ATG7: variants seen among roughly 807,000 people sequenced by gnomAD.
ATG7 encodes the protein ubiquitin-like modifier-activating enzyme ATG7.
ATG7 carries 70 observed loss-of-function variants against 82.4 expected under a neutral mutation model. That is an observed-to-expected ratio of 0.85 (90% CI 0.70 to 1.04). The LOEUF (loss-of-function observed/expected upper bound fraction) is 1.04. Among genes scored for constraint, ATG7 ranks in the 50% least tolerant of loss-of-function variants. The pLI, the probability that ATG7 is intolerant of heterozygous loss-of-function variation, is 0.00. For missense variants in ATG7, 792 were observed against 864.3 expected, an observed-to-expected ratio of 0.92 and a Z score of 1.05; for synonymous variants, 287 against 313.0, an observed-to-expected ratio of 0.92 and a Z score of 0.88.
intron 18 of ATG7, among the ~76,000 whole-genome samples, chr3:11,379,038 G>A (rs1187433287): frequency 1.3e-5 from 2 of 151,948 alleles, no homozygotes; most frequent in Non-Finnish European, 2.9e-5. Flanking sequence ...TCAGGCCGGG[G>A]GCAGGTTCAC....
At chr3:11,279,904 C>T (rs1942705288) in intron 1 of ATG7, among the ~76,000 whole-genome samples, 1 of 150,616 alleles carries the variant, frequency 6.6e-6, no homozygotes, top group African/African-American at 2.4e-5. Context: ...GTTTTGGCTT[C>T]AAAATTGTTA....
chr3:11,444,861 T>A (rs923864890), intron 20 of ATG7, among the ~76,000 whole-genome samples: 1 of 101,958 alleles, frequency 9.8e-6, no homozygotes, highest in Admixed American at 8.8e-5. Context: ...TTAGACAAAT[T>A]TACAAGGAAA....
At position 11,531,883 on chromosome 3, in the gene ATG7, A is replaced by G. The variant is rs73021344; in HGVS notation, c.2080-22928A>G. 5.8e-3 allele frequency among the ~76,000 whole-genome samples: 882 copies of G among 152,040 alleles called. 7 individuals are homozygous for G. The highest frequency in any genetic ancestry group is 8.7e-3 in the Non-Finnish European group (594 of 67,964). ...CTGTCTCAGGAAAAAAAAAAAAAAA[A>G]AAAAAGTCTAATAACAGAGCAGCTA... is the stretch of plus-strand genomic sequence containing the variant. On this transcript the variant is annotated intron_variant, in intron 20 of 20. Transcript: ENST00000693202.
intron 18 of ATG7, among the ~76,000 whole-genome samples, chr3:11,376,835 T>C (rs1575832698): frequency 6.6e-6 from 1 of 152,086 alleles, no homozygotes; most frequent in East Asian, 1.9e-4. Context: ...ACCTCCCGGG[T>C]TCACGCCATT....
intron 1 of ATG7, among the ~76,000 whole-genome samples, chr3:11,280,324 A>G (rs80009021): frequency 5.4e-4 from 83 of 152,304 alleles, no homozygotes; most frequent in African/African-American, 1.9e-3. Context: ...GGCCAGATGT[A>G]TGCATTTTCT....
chr3:11,561,919 A>G (rs2073051947), downstream of ATG7, among the ~76,000 whole-genome samples: 1 of 135,262 alleles, frequency 7.4e-6, no homozygotes, highest in Admixed American at 7.3e-5. Flanking sequence ...TTTTTTTTAA[A>G]GACAAAGTCT....
At chr3:11,546,414 C>T (rs1460131098) in intron 20 of ATG7, among the ~76,000 whole-genome samples, 3 of 152,098 alleles carry the variant, frequency 2.0e-5, no homozygotes, top group Admixed American at 6.5e-5. Context: ...TCAGGTGATC[C>T]GCCTGACTTG....
chr3:11,449,570 A>G (rs2084909045), intron 20 of ATG7, among the ~76,000 whole-genome samples: 1 of 152,192 alleles, frequency 6.6e-6, no homozygotes, highest in Non-Finnish European at 1.5e-5. Context: ...GAGTGATTCT[A>G]GAGAGAATGA....
chr3:11,418,608 C>A (rs906188151), intron 19 of ATG7, among the ~76,000 whole-genome samples: 4 of 152,152 alleles, frequency 2.6e-5, no homozygotes, highest in African/African-American at 9.7e-5. Context: ...TTGTCAGCTA[C>A]AGTTTGTTTT....
chr3:11,553,953 G>A (rs2072103386), intron 20 of ATG7, among the ~76,000 whole-genome samples: 1 of 152,210 alleles, frequency 6.6e-6, no homozygotes, highest in Non-Finnish European at 1.5e-5. Flanking sequence ...CTAGGAATTT[G>A]GAAGTCTGAA....
intron 19 of ATG7, among the ~76,000 whole-genome samples, chr3:11,391,965 G>GA (rs143035539): frequency 6.3e-5 from 9 of 141,876 alleles, no homozygotes; most frequent in African/African-American, 2.3e-4. Context: ...TATTGGGGGG[G>GA]GGGTAATTTC....
chr3:11,375,029 T>G (rs2077303270), intron 18 of ATG7, among the ~76,000 whole-genome samples: 1 of 99,810 alleles, frequency 1.0e-5, no homozygotes, highest in South Asian at 4.0e-4. Flanking sequence ...CAGCGAGACC[T>G]CATCTCTCTT....
chr3:11,390,261 G>A (rs2078686861), intron 19 of ATG7, among the ~76,000 whole-genome samples: 1 of 152,134 alleles, frequency 6.6e-6, no homozygotes, highest in Non-Finnish European at 1.5e-5. Flanking sequence ...TAATCATAAG[G>A]CACACAGATT....
chr3:11,402,120 A>G (rs1371626013), intron 19 of ATG7, among the ~76,000 whole-genome samples: 2 of 152,206 alleles, frequency 1.3e-5, no homozygotes, highest in African/African-American at 4.8e-5. Context: ...TCACATGACT[A>G]GCAAAAGGAA....
At chr3:11,320,151 C>G (rs1004026350) in intron 9 of ATG7, among the ~76,000 whole-genome samples, 2 of 152,056 alleles carry the variant, frequency 1.3e-5, no homozygotes, top group African/African-American at 2.4e-5. Context: ...TCTCTCTTTT[C>G]TTTACTTCTA....
At chr3:11,566,979 G>A in the ATG7 span, among the ~76,000 whole-genome samples, 1 of 152,186 alleles carries the variant, frequency 6.6e-6, no homozygotes, top group Admixed American at 6.5e-5. Flanking sequence ...ATGGAGAGCT[G>A]GAGGGCTGAG....
chr3:11,512,261 G>C (rs1029679966), intron 20 of ATG7, among the ~76,000 whole-genome samples: 10 of 152,162 alleles, frequency 6.6e-5, no homozygotes, highest in Non-Finnish European at 1.3e-4. Flanking sequence ...CAGCCCTGAG[G>C]GCCAGGCCCT....
At chr3:11,386,916 T>C (rs2078361644) in intron 19 of ATG7, among the ~76,000 whole-genome samples, 1 of 152,236 alleles carries the variant, frequency 6.6e-6, no homozygotes, top group Admixed American at 6.5e-5. Flanking sequence ...ACCTCAGAAC[T>C]CTTGGCTCTT....
intron 19 of ATG7, among the ~76,000 whole-genome samples, chr3:11,415,888 G>T (rs566263879): frequency 6.6e-6 from 1 of 151,752 alleles, no homozygotes; most frequent in Non-Finnish European, 1.5e-5. Context: ...ATAATTGTAC[G>T]TGGTACACTT....
Sources: gnomAD v4.1 joint callset for allele counts (sites outside exome capture counted in the v4.1 genomes callset) on GRCh38, gnomAD v4.1.1 for gene constraint, MANE v1.5 for transcripts, NCBI Gene and HGNC (gene_info 2026-07-23, HGNC 2026-07-21) for gene names.